The following UBP1 variants were observed in gnomAD, a reference collection of about 807,000 sequenced individuals.
The protein encoded by UBP1 is upstream binding protein 1.
Under a neutral mutation model 76.1 loss-of-function variants are expected in UBP1, and 22 were observed. The ratio of observed to expected loss-of-function variants is 0.29; its 90% CI spans 0.21 to 0.41. UBP1 has a LOEUF of 0.41. UBP1 is among the 10% of genes least tolerant of loss of function. The probability of loss-of-function intolerance (pLI) is 1.00; values close to 1 mark genes in which losing one functional copy is unlikely to be tolerated. For synonymous variants in UBP1, 224 were observed against 237.1 expected, an observed-to-expected ratio of 0.94 and a Z score of 0.51; for missense variants, 436 against 668.1, an observed-to-expected ratio of 0.65 and a Z score of 3.83.
chr3:33,437,639 C>T (rs1463301055), intron 1 of UBP1, among the ~76,000 whole-genome samples: 1 of 152,218 alleles, frequency 6.6e-6, no homozygotes, highest in Non-Finnish European at 1.5e-5. Flanking sequence ...GTAATTTCTT[C>T]AAGTTTACTT....
intron 1 of UBP1, among the ~76,000 whole-genome samples, chr3:33,429,132 C>T (rs1384018647): frequency 6.6e-6 from 1 of 152,172 alleles, no homozygotes; most frequent in African/African-American, 2.4e-5. Flanking sequence ...GCATCTAGCA[C>T]AAAGGAGCTC....
Position 33,416,812 on chromosome 3 carries a change from C to T in UBP1, c.288G>A (p.Met96Ile). 6.2e-7 allele frequency: 1 copy of T among 1,613,630 alleles called. No homozygotes were observed. The change falls in exon 3 of 16, where the codon ATG becomes ATA. Residue 96 changes from methionine (M) to isoleucine (I), a missense_variant. Met to Ile is a conservative substitution (Grantham distance 10). This residue lies in a region of UBP1 where 161 missense variants were observed against 237.9 expected (regional missense o/e 0.68). Transcript: ENST00000283629. ...LNQGQSYEIRMLDNRKMGDMP... is the reference protein window; with the variant it reads ...LNQGQSYEIRILDNRKMGDMP... Reference sequence around the variant, plus strand: ...TATCACCCATTTTCCGATTATCCAGCATCCGAATTTCATATGACTGACCTA... The same window carrying T: ...TATCACCCATTTTCCGATTATCCAGTATCCGAATTTCATATGACTGACCTA...
chr3:33,407,412 C>T (rs2044456056), intron 8 of UBP1, among the ~76,000 whole-genome samples: 1 of 152,018 alleles, frequency 6.6e-6, no homozygotes, highest in African/African-American at 2.4e-5. Context: ...CAGAATCCCC[C>T]CCAAAGAAGT....
chr3:33,406,562 A>G (rs954926722), intron 8 of UBP1, among the ~76,000 whole-genome samples: 5 of 152,248 alleles, frequency 3.3e-5, no homozygotes, highest in African/African-American at 1.2e-4. Flanking sequence ...TGAAGCCATC[A>G]AAAAGCTTCA....
intron 2 of UBP1, among the ~76,000 whole-genome samples, chr3:33,423,130 C>G (rs2044945238): frequency 6.6e-6 from 1 of 151,884 alleles, no homozygotes; most frequent in African/African-American, 2.4e-5. Context: ...CAACCTCTGC[C>G]TCGGGTTCAA....
rs1372891221 is a variant in UBP1 at position 33,440,063 on chromosome 3, C to G, written c.-215G>C. 3.4e-5 allele frequency: 16 copies of G among 475,824 alleles called. No individual in the cohort carries two copies. Among genetic ancestry groups the G allele is most frequent in the Non-Finnish European group, 4.7e-5 (13 of 276,354 alleles). The allele number at this position is 475,824 out of a possible 1,614,324, so 29.5% of individuals were successfully genotyped here. On this transcript the variant is annotated 5_prime_UTR_variant, in exon 1 of 16. Coordinates refer to ENST00000283629, the MANE Select transcript of UBP1 (RefSeq NM_014517.5). ...ATTGCAGCGGGAGCGGCCGGGCCGCCGGCAGCGCCACCCTCCCGCGGACAC... is the reference window on the plus strand; with the variant it reads ...ATTGCAGCGGGAGCGGCCGGGCCGCGGGCAGCGCCACCCTCCCGCGGACAC...
intron 13 of UBP1, among the ~76,000 whole-genome samples, chr3:33,395,363 T>C (rs1320913971): frequency 6.6e-6 from 1 of 152,154 alleles, no homozygotes; most frequent in Non-Finnish European, 1.5e-5. Context: ...CATGTTGCCT[T>C]TGTTCTACTT....
chr3:33,407,306 C>A (rs1210976312), intron 8 of UBP1, among the ~76,000 whole-genome samples: 1 of 152,112 alleles, frequency 6.6e-6, no homozygotes, highest in Non-Finnish European at 1.5e-5. Flanking sequence ...TTCAGATTAC[C>A]TCTGGGCTAT....
At chr3:33,412,508 G>C (rs1262759416) in intron 4 of UBP1, among the ~76,000 whole-genome samples, 1 of 150,718 alleles carries the variant, frequency 6.6e-6, no homozygotes, top group African/African-American at 2.4e-5. Context: ...ACTTGAAGAC[G>C]GGAGGTAGAG....
intron 2 of UBP1, among the ~76,000 whole-genome samples, chr3:33,422,455 G>A (rs557384998): frequency 2.0e-5 from 3 of 152,182 alleles, no homozygotes; most frequent in South Asian, 2.1e-4. Context: ...AGTGGTTCAC[G>A]CCTATAATCC....
intron 15 of UBP1, 168 bp downstream of exon 15, chr3:33,392,395 A>G: frequency 3.4e-6 from 2 of 591,066 alleles, no homozygotes; most frequent in Non-Finnish European, 2.8e-6. Flanking sequence ...CCTCTTCCTT[A>G]TATGCTAATT....
intron 2 of UBP1, among the ~76,000 whole-genome samples, chr3:33,418,219 T>C (rs954269163): frequency 7.2e-5 from 11 of 152,224 alleles, no homozygotes; most frequent in South Asian, 2.1e-4. Flanking sequence ...AAAAGGTTTA[T>C]GCTGATTATC....
At chr3:33,393,160 G>A (rs935910064) in intron 14 of UBP1, 152 bp downstream of exon 14, 31 of 874,334 alleles carry the variant, frequency 3.5e-5, no homozygotes, top group Non-Finnish European at 6.5e-6. Context: ...GAAACTCTTG[G>A]TTATAAGTTC....
chr3:33,416,925 C>T lies in UBP1; in HGVS notation c.266-91G>A, dbSNP rs1266418120. On this transcript the variant is annotated intron_variant, in intron 2 of 15. Transcript: ENST00000283629. ...CAAAATGCATGTTTCTCAGAACATACATTACACAATGATAGTTTGTTAATT... is the reference window on the plus strand; with the variant it reads ...CAAAATGCATGTTTCTCAGAACATATATTACACAATGATAGTTTGTTAATT... The T allele has an allele frequency of 5.6e-6, 6 of 1,080,684 alleles. No homozygotes were observed. In the African/African-American group the frequency reaches 9.5e-5, roughly 17 times the overall value. The allele number at this position is 1,080,684 out of a possible 1,614,324, so 66.9% of individuals were successfully genotyped here. A position where few individuals can be genotyped will look rare whatever the true frequency, so the allele number is the denominator to read the frequency against.
intron 13 of UBP1, among the ~76,000 whole-genome samples, chr3:33,395,495 A>G (rs2043940952): frequency 6.6e-6 from 1 of 152,126 alleles, no homozygotes; most frequent in African/African-American, 2.4e-5. Flanking sequence ...GGAGAAGCCA[A>G]GATTATCTCT....
At chr3:33,408,462 C>T (rs146860197) in intron 8 of UBP1, among the ~76,000 whole-genome samples, 3 of 152,206 alleles carry the variant, frequency 2.0e-5, no homozygotes, top group Non-Finnish European at 4.4e-5. Flanking sequence ...CCCTCCAAAA[C>T]CACCCAATAT....
rs1418059939 is a variant in UBP1 at position 33,388,545 on chromosome 3, T to C, written c.*1786A>G. On this transcript the variant is annotated 3_prime_UTR_variant, in exon 16 of 16. Transcript: ENST00000283629. ...CTAAAACCTGATGAGGAATTCAAAATAAGCACACAGCATTAAATGACATTT... is the reference window on the plus strand; with the variant it reads ...CTAAAACCTGATGAGGAATTCAAAACAAGCACACAGCATTAAATGACATTT... The C allele has an allele frequency of 6.6e-6, 1 of 152,564 alleles. No individual in the cohort carries two copies. Among genetic ancestry groups the C allele is most frequent in the Admixed American group, 6.5e-5 (1 of 15,276 alleles). The allele number at this position is 152,564 out of a possible 1,614,324, so 9.5% of individuals were successfully genotyped here.
At chr3:33,398,663 G>A (rs1160559189) in intron 11 of UBP1, among the ~76,000 whole-genome samples, 2 of 152,204 alleles carry the variant, frequency 1.3e-5, no homozygotes, top group Non-Finnish European at 2.9e-5. Flanking sequence ...AAGCCCCCAG[G>A]ATAAGGAAAA....
At chr3:33,438,583 C>G (rs1463259586) in intron 1 of UBP1, among the ~76,000 whole-genome samples, 2 of 152,224 alleles carry the variant, frequency 1.3e-5, no homozygotes, top group Non-Finnish European at 2.9e-5. Flanking sequence ...GTGCCAAGTT[C>G]AGGAAGCCCA....
Sources: allele counts gnomAD v4.1 joint callset (sites outside exome capture counted in the v4.1 genomes callset), GRCh38; gene constraint gnomAD v4.1.1; regional missense constraint gnomAD v4.1.1; transcripts MANE v1.5; gene names NCBI Gene and HGNC (gene_info 2026-07-23, HGNC 2026-07-21).